GABRG1: variants seen among roughly 807,000 people sequenced by gnomAD.
The protein encoded by GABRG1 is gamma-aminobutyric acid receptor subunit gamma-1.
GABRG1 carries 49 observed loss-of-function variants against 49.8 expected under a neutral mutation model. That is an observed-to-expected ratio of 0.98 (90% CI 0.78 to 1.25). The LOEUF is 1.25. Ranked by LOEUF, GABRG1 falls within the 50% of genes most tolerant of loss-of-function variation. The pLI is 0.00. For missense variants in GABRG1, 552 were observed against 552.3 expected (o/e 1.00, Z 0.01); for synonymous variants, 232 against 185.1 (o/e 1.25, Z -2.06).
intron 1 of GABRG1, among the ~76,000 whole-genome samples, chr4:46,100,968 T>C (rs563142535): frequency 6.6e-6 from 1 of 151,568 alleles, no homozygotes; most frequent in Non-Finnish European, 1.5e-5. Context: ...ATTAATTACT[T>C]TGAATATTAC....
intron 3 of GABRG1, among the ~76,000 whole-genome samples, chr4:46,072,896 A>T (rs898418546): frequency 2.0e-5 from 3 of 151,940 alleles, no homozygotes; most frequent in Non-Finnish European, 4.4e-5. Flanking sequence ...TTCAATACTG[A>T]TTTAAAACGG....
intron 1 of GABRG1, among the ~76,000 whole-genome samples, chr4:46,107,204 G>T (rs758191117): frequency 1.3e-5 from 2 of 150,704 alleles, no homozygotes; most frequent in Non-Finnish European, 3.0e-5. Context: ...ATTGTCTATT[G>T]ATCTTTTCTC....
intron 3 of GABRG1, among the ~76,000 whole-genome samples, chr4:46,071,125 T>C (rs1442277787): frequency 6.6e-6 from 1 of 152,010 alleles, no homozygotes; most frequent in Non-Finnish European, 1.5e-5. Flanking sequence ...GATGCTGATA[T>C]AAACAAACCT....
At chr4:46,060,694 T>A (rs1474353742) in intron 5 of GABRG1, among the ~76,000 whole-genome samples, 1 of 152,210 alleles carries the variant, frequency 6.6e-6, no homozygotes, top group Admixed American at 6.5e-5. Context: ...TCTCTGCTGA[T>A]CTACTTAATA....
chr4:46,049,801 C>T (rs1387013432), intron 8 of GABRG1, among the ~76,000 whole-genome samples: 3 of 151,902 alleles, frequency 2.0e-5, no homozygotes, highest in Non-Finnish European at 4.4e-5. Flanking sequence ...GCTGAGTGTA[C>T]ATGATCTGCG....
At chr4:46,104,140 T>A (rs1720463661) in intron 1 of GABRG1, among the ~76,000 whole-genome samples, 1 of 151,426 alleles carries the variant, frequency 6.6e-6, no homozygotes, top group East Asian at 2.0e-4. Flanking sequence ...AATTATTATA[T>A]TCACATGTGA....
chr4:46,056,635 C>A (rs1054809696), intron 7 of GABRG1, among the ~76,000 whole-genome samples: 7 of 152,038 alleles, frequency 4.6e-5, no homozygotes, highest in Admixed American at 1.3e-4. Flanking sequence ...AATGTAAACA[C>A]CATAAACACG....
chr4:46,049,701 T>C (rs1366844123), intron 8 of GABRG1, among the ~76,000 whole-genome samples: 3 of 151,920 alleles, frequency 2.0e-5, no homozygotes, highest in Non-Finnish European at 4.4e-5. Flanking sequence ...CCTTAATAAA[T>C]AGTTGATGAA....
intron 8 of GABRG1, 34 bp from the exon 9 acceptor site, chr4:46,041,288 A>T: frequency 6.2e-7 from 1 of 1,600,236 alleles, no homozygotes; most frequent in Non-Finnish European, 8.5e-7. Flanking sequence ...TTTGACATCA[A>T]AAAAGTAGCA....
At chr4:46,096,512 C>A (rs1384892966) in intron 2 of GABRG1, among the ~76,000 whole-genome samples, 2 of 151,654 alleles carry the variant, frequency 1.3e-5, no homozygotes, top group Non-Finnish European at 3.0e-5. Flanking sequence ...GCACAAAATT[C>A]TCCCTTTTAT....
chr4:46,081,711 G>A (rs1277923631), intron 3 of GABRG1, among the ~76,000 whole-genome samples: 1 of 151,880 alleles, frequency 6.6e-6, no homozygotes, highest in Non-Finnish European at 1.5e-5. Context: ...AAATTCATAT[G>A]TTGAAGACTT....
chr4:46,115,175 G>A (rs1720845455), intron 1 of GABRG1, among the ~76,000 whole-genome samples: 2 of 150,476 alleles, frequency 1.3e-5, no homozygotes, highest in Non-Finnish European at 3.0e-5. Context: ...ACTTTTTCTG[G>A]CAAGAATAAA....
intron 3 of GABRG1, among the ~76,000 whole-genome samples, chr4:46,070,869 G>A (rs1196512188): frequency 6.6e-6 from 1 of 152,000 alleles, no homozygotes; most frequent in Non-Finnish European, 1.5e-5. Flanking sequence ...CTACATTATA[G>A]AGGGTAAACT....
intron 2 of GABRG1, among the ~76,000 whole-genome samples, chr4:46,093,276 A>G (rs1190365857): frequency 6.6e-6 from 1 of 152,012 alleles, no homozygotes; most frequent in African/African-American, 2.4e-5. Context: ...CACCCACAAA[A>G]AAAAGGATAA....
rs1560374925 is a variant in GABRG1 at position 46,111,883 on chromosome 4, T to G, written c.104+11927A>C. Among the ~76,000 whole-genome samples, 4 of 151,048 alleles carry G rather than the reference T, an allele frequency of 2.6e-5. 1 individual carries two copies. In the South Asian group the frequency reaches 8.3e-4, roughly 31 times the overall value. The stretch of plus-strand genomic sequence containing the variant: ...TTAAATGTAAAACTTCACACTGTAA[T>G]AATCCTACAAGAAAACCTAGGAAAC... On this transcript the variant is annotated intron_variant, in intron 1 of 8. Coordinates refer to ENST00000295452, the MANE Select transcript of GABRG1 (RefSeq NM_173536.4).
At chr4:46,112,083 A>G (rs1330162461) in intron 1 of GABRG1, among the ~76,000 whole-genome samples, 1 of 151,332 alleles carries the variant, frequency 6.6e-6, no homozygotes, top group Non-Finnish European at 1.5e-5. Flanking sequence ...ATATTTGCAA[A>G]CTGTGCATCT....
intron 3 of GABRG1, among the ~76,000 whole-genome samples, chr4:46,076,361 TCATA>T (rs148104945): frequency 0.049 from 3,840 of 78,048 alleles, 287 homozygotes; most frequent in East Asian, 0.23. Context: ...TAGGTCATGT[TCATA>T]TATATATATA....
rs558948238 is a variant in GABRG1, at chr4:46,053,657, C to T, written c.917-2019G>A. ...TTTCTTGGCTCCACAATTATGTCTC[C>T]TATCTGAAAAATCTTAAATCCAATG... On this transcript the variant is annotated intron_variant, in intron 7 of 8. Coordinates refer to ENST00000295452, the MANE Select transcript of GABRG1 (RefSeq NM_173536.4). Among the ~76,000 whole-genome samples, 7 of 152,086 alleles carry T rather than the reference C, an allele frequency of 4.6e-5. No homozygotes were observed. The East Asian group carries it at 1.4e-3, about 29-fold the overall frequency.
intron 7 of GABRG1, 112 bp downstream of exon 7, chr4:46,058,104 TC>T (rs1718521117): frequency 1.0e-6 from 1 of 956,680 alleles, no homozygotes. Context: ...TCAATTTTTT[TC>T]CTGACTGTAG....
Sources: allele counts gnomAD v4.1 joint callset (sites outside exome capture counted in the v4.1 genomes callset), GRCh38; gene constraint gnomAD v4.1.1; transcripts MANE v1.5; gene names NCBI Gene and HGNC (gene_info 2026-07-23, HGNC 2026-07-21).